Variants in KIAA0319L observed in about 807,000 individuals in gnomAD.
KIAA0319L encodes the protein KIAA0319 like, also known as dyslexia-associated protein KIAA0319-like protein.
In KIAA0319L, 55 loss-of-function variants were observed where a neutral mutation model predicts 120.1. The ratio of observed to expected loss-of-function variants is 0.46; its 90% CI spans 0.37 to 0.57. KIAA0319L has a LOEUF of 0.57. KIAA0319L is among the 20% of genes least tolerant of loss of function. KIAA0319L has a pLI of 0.00. For missense variants in KIAA0319L, 1,049 were observed against 1,255.3 expected, an observed-to-expected ratio of 0.84 and a Z score of 2.48; for synonymous variants, 398 against 471.9, an observed-to-expected ratio of 0.84 and a Z score of 2.03.
chr1:35,534,075 C>T (rs1646475143), intron 2 of KIAA0319L, among the ~76,000 whole-genome samples: 1 of 152,218 alleles, frequency 6.6e-6, no homozygotes, highest in Admixed American at 6.5e-5. Flanking sequence ...AAAGGGGTAA[C>T]ATTTTTTTCC....
intron 2 of KIAA0319L, among the ~76,000 whole-genome samples, chr1:35,545,477 A>G (rs1165234768): frequency 6.6e-6 from 1 of 152,244 alleles, no homozygotes; most frequent in Non-Finnish European, 1.5e-5. Flanking sequence ...GGTCTCAGGG[A>G]AAGCACGAGA....
rs1209331808 is a variant in KIAA0319L, at chr1:35,479,130, A to G, written c.749T>C (p.Val250Ala). Reference sequence around the variant, plus strand: ...AAGACCCTCTGATATTTCAGGTTGCACTGATACATTCTTTGGCCCACCAGA... The same window carrying G: ...AAGACCCTCTGATATTTCAGGTTGCGCTGATACATTCTTTGGCCCACCAGA... ...ELSGGPKNVS[V>A]QPEISEGLAT... The change falls in exon 4 of 21, where the codon GTG becomes GCG. Residue 250 changes from valine (V) to alanine (A), a missense_variant. Coordinates refer to ENST00000325722, the MANE Select transcript of KIAA0319L (RefSeq NM_024874.5). 1 of 1,614,176 alleles carries G rather than the reference A, an allele frequency of 6.2e-7. No homozygotes were observed. The highest frequency in any genetic ancestry group is 1.3e-5 in the African/African-American group (1 of 75,038).
intron 2 of KIAA0319L, among the ~76,000 whole-genome samples, chr1:35,529,735 G>C (rs974703787): frequency 6.6e-6 from 1 of 152,118 alleles, no homozygotes; most frequent in African/African-American, 2.4e-5. Context: ...GCTGTGTTTA[G>C]AATTCTTTTT....
intron 6 of KIAA0319L, among the ~76,000 whole-genome samples, chr1:35,470,492 C>T (rs1191361734): frequency 1.4e-5 from 1 of 73,400 alleles, no homozygotes; most frequent in Admixed American, 1.7e-4. Context: ...GACCCTGTCT[C>T]AAAAAAAAAA....
chr1:35,488,586 C>T (rs1197096093), intron 3 of KIAA0319L, among the ~76,000 whole-genome samples: 3 of 151,992 alleles, frequency 2.0e-5, no homozygotes, highest in Non-Finnish European at 4.4e-5. Context: ...TGAACTACGA[C>T]AGGAAGAACA....
intron 2 of KIAA0319L, among the ~76,000 whole-genome samples, chr1:35,540,498 C>G (rs1646747040): frequency 6.6e-6 from 1 of 152,170 alleles, no homozygotes; most frequent in Admixed American, 6.5e-5. Context: ...ACACTTCCAA[C>G]TTGGGGGCAA....
At chr1:35,551,240 TTGG>T (rs1647185978) in intron 2 of KIAA0319L, among the ~76,000 whole-genome samples, 1 of 152,240 alleles carries the variant, frequency 6.6e-6, no homozygotes, top group Non-Finnish European at 1.5e-5. Flanking sequence ...GTCGTTTTGA[TTGG>T]TAATGAGAAC....
At chr1:35,495,669 C>T (rs1380596301) in intron 3 of KIAA0319L, among the ~76,000 whole-genome samples, 1 of 151,622 alleles carries the variant, frequency 6.6e-6, no homozygotes, top group Non-Finnish European at 1.5e-5. Context: ...TGTTGTTTTT[C>T]TAAGATAGGG....
intron 2 of KIAA0319L, among the ~76,000 whole-genome samples, chr1:35,548,574 C>A (rs538233921): frequency 2.6e-4 from 40 of 152,134 alleles, no homozygotes; most frequent in African/African-American, 9.2e-4. Context: ...GCATCTCTTA[C>A]ACATATATAA....
At position 35,521,651 on chromosome 1, in the gene KIAA0319L, A is replaced by AAAAT. The variant is rs546579133; in HGVS notation, c.143-14520_143-14517dup. On this transcript the variant is annotated intron_variant, in intron 2 of 20. Coordinates refer to ENST00000325722, the MANE Select transcript of KIAA0319L (RefSeq NM_024874.5). ...TCCGTCTCAAAAAAATAATAATAAT[A>AAAAT]AAATAAATAAATAAATAAAAATAAA... Among the ~76,000 whole-genome samples the AAAAT allele has an allele frequency of 5.9e-3, 879 of 147,822 alleles. 11 individuals carry two copies. Among genetic ancestry groups the AAAAT allele is most frequent in the African/African-American group, 0.021 (833 of 40,218 alleles).
chr1:35,524,826 T>A (rs554405129), intron 2 of KIAA0319L, among the ~76,000 whole-genome samples: 1 of 152,368 alleles, frequency 6.6e-6, no homozygotes, highest in East Asian at 1.9e-4. Context: ...CAAGCATTTA[T>A]CATTCCTATG....
At chr1:35,496,749 G>A (rs1161718646) in intron 3 of KIAA0319L, among the ~76,000 whole-genome samples, 1 of 152,020 alleles carries the variant, frequency 6.6e-6, no homozygotes, top group African/African-American at 2.4e-5. Flanking sequence ...TTTGAGACCA[G>A]CCTGGCCAAC....
chr1:35,503,376 C>T (rs1645079414), intron 3 of KIAA0319L, among the ~76,000 whole-genome samples: 1 of 152,138 alleles, frequency 6.6e-6, no homozygotes, highest in African/African-American at 2.4e-5. Flanking sequence ...TGGTTCTGGT[C>T]CCTGGGCAGC....
intron 2 of KIAA0319L, among the ~76,000 whole-genome samples, chr1:35,513,929 T>C (rs1286804486): frequency 6.6e-6 from 1 of 152,188 alleles, no homozygotes; most frequent in African/African-American, 2.4e-5. Flanking sequence ...AATTACCAAA[T>C]TTCAGGGAAA....
chr1:35,442,797 T>C, intron 18 of KIAA0319L, 109 bp downstream of exon 18: 1 of 1,331,352 alleles, frequency 7.5e-7, no homozygotes. Context: ...TACACAAAGT[T>C]CTTCTCCTTG....
At chr1:35,449,817 G>A in intron 15 of KIAA0319L, 50 bp downstream of exon 15, 1 of 1,605,176 alleles carries the variant, frequency 6.2e-7, no homozygotes, top group Non-Finnish European at 8.5e-7. Flanking sequence ...TAGAGGCCTT[G>A]ATTGGCTGAT....
At chr1:35,447,131 G>A (rs1030112127) in intron 16 of KIAA0319L, among the ~76,000 whole-genome samples, 4 of 151,330 alleles carry the variant, frequency 2.6e-5, no homozygotes, top group African/African-American at 9.7e-5. Flanking sequence ...TCTTAATTCA[G>A]GTTTTATTAC....
intron 4 of KIAA0319L, among the ~76,000 whole-genome samples, chr1:35,477,568 G>T (rs1286858892): frequency 1.3e-5 from 2 of 151,400 alleles, no homozygotes; most frequent in Non-Finnish European, 2.9e-5. Flanking sequence ...TCGGGAGGCT[G>T]AGGCAGGAGA....
At chr1:35,555,983 C>T (rs1166590924) in intron 1 of KIAA0319L, among the ~76,000 whole-genome samples, 26 of 152,208 alleles carry the variant, frequency 1.7e-4, no homozygotes, top group Admixed American at 1.6e-3. Flanking sequence ...TCCTCTGAAA[C>T]CTATAATTGC....
Sources: allele counts gnomAD v4.1 joint callset (sites outside exome capture counted in the v4.1 genomes callset), GRCh38; gene constraint gnomAD v4.1.1; transcripts MANE v1.5; gene names NCBI Gene and HGNC (gene_info 2026-07-23, HGNC 2026-07-21).